CASP6: variants seen among roughly 807,000 people sequenced by gnomAD.
CASP6 encodes the protein caspase 6, also known as caspase-6.
In CASP6, 20 loss-of-function variants were observed where a neutral mutation model predicts 31.8. The ratio of observed to expected loss-of-function variants is 0.63; its 90% confidence interval spans 0.44 to 0.91. The LOEUF (loss-of-function observed/expected upper bound fraction) is 0.91, where lower values mean the gene tolerates loss of function less well. CASP6 is among the 40% of genes least tolerant of loss of function. The probability of loss-of-function intolerance (pLI) is 0.00; values close to 1 mark genes in which losing one functional copy is unlikely to be tolerated. For missense variants in CASP6, 328 were observed against 361.1 expected (o/e 0.91, Z 0.74); for synonymous variants, 130 against 127.8 (o/e 1.02, Z -0.12).
At chr4:109,672,713 G>A in the CASP6 span, among the ~76,000 whole-genome samples, 1 of 152,068 alleles carries the variant, frequency 6.6e-6, no homozygotes, top group Non-Finnish European at 1.5e-5. Flanking sequence ...CAACAGGGAG[G>A]GAATTTAGAT....
chr4:109,694,874 C>T (rs1270470174), intron 4 of CASP6, among the ~76,000 whole-genome samples, 174 bp from the exon 5 acceptor site: 2 of 152,080 alleles, frequency 1.3e-5, no homozygotes, highest in Non-Finnish European at 2.9e-5. Flanking sequence ...TCTTGGTGCC[C>T]AGGGCTGGAG....
chr4:109,697,877 G>T, intron 2 of CASP6, 109 bp from the exon 3 acceptor site: 3 of 1,237,658 alleles, frequency 2.4e-6, no homozygotes, highest in East Asian at 2.4e-5. Flanking sequence ...TCCTTGCCAG[G>T]CTGATGTTCC....
chr4:109,671,183 A>G, the CASP6 span, among the ~76,000 whole-genome samples: 1 of 152,128 alleles, frequency 6.6e-6, no homozygotes, highest in Non-Finnish European at 1.5e-5. Context: ...GAGTTTTTTT[A>G]TGTCAGACAG....
the CASP6 span, among the ~76,000 whole-genome samples, chr4:109,669,821 C>G: frequency 1.3e-5 from 2 of 152,110 alleles, no homozygotes; most frequent in Admixed American, 6.5e-5. Context: ...CCATTAAAGG[C>G]CTTCTTCCTT....
At chr4:109,709,110 G>A in the CASP6 span, among the ~76,000 whole-genome samples, 1 of 152,188 alleles carries the variant, frequency 6.6e-6, no homozygotes, top group East Asian at 1.9e-4. Flanking sequence ...TGAACCCACA[G>A]CAAGCTTTCA....
downstream of CASP6, chr4:109,687,525 C>G (rs1729876824): frequency 6.2e-7 from 1 of 1,611,222 alleles, no homozygotes; most frequent in Non-Finnish European, 8.5e-7. Context: ...GCTAAAGAAT[C>G]CCTGAAACAG....
chr4:109,706,168 T>TACATAC (rs1554022991), upstream of CASP6, among the ~76,000 whole-genome samples: 3 of 92,490 alleles, frequency 3.2e-5, no homozygotes, highest in African/African-American at 1.8e-4. Context: ...TATATATATA[T>TACATAC]ATACACACAC....
chr4:109,693,819 G>A (rs1246348370), intron 5 of CASP6, among the ~76,000 whole-genome samples: 1 of 150,566 alleles, frequency 6.6e-6, no homozygotes, highest in Non-Finnish European at 1.5e-5. Context: ...GCTAACTACA[G>A]CCTCTGCCTC....
At chr4:109,706,002 ATAT>A (rs1197581543), upstream of CASP6, among the ~76,000 whole-genome samples, 527 of 18,360 alleles carry the variant, frequency 0.029, 5 homozygotes, top group African/African-American at 0.034. Context: ...AAAAAAAAAA[ATAT>A]ATATATATAT....
intron 5 of CASP6, 37 bp from the exon 6 acceptor site, chr4:109,691,046 A>G (rs191005255): frequency 1.9e-6 from 3 of 1,582,980 alleles, no homozygotes; most frequent in Admixed American, 3.5e-5. Flanking sequence ...CTCTTTGCCT[A>G]CTGTTTCCTT....
At chr4:109,684,560 T>G (rs775970241), downstream of CASP6, 2 of 1,608,608 alleles carry the variant, frequency 1.2e-6, no homozygotes, top group African/African-American at 2.7e-5. Context: ...GTGGGTGTAC[T>G]CCTGGGATAT....
At chr4:109,667,529 C>T in the CASP6 span, among the ~76,000 whole-genome samples, 1 of 151,204 alleles carries the variant, frequency 6.6e-6, no homozygotes. Flanking sequence ...TTCCAAAGAA[C>T]TAGCTTTTAA....
In CASP6 at chr4:109,689,432, T is replaced by C; in HGVS notation, c.780A>G (p.Arg260=). The C allele has an allele frequency of 1.2e-6, 2 of 1,614,234 alleles. No individual in the cohort carries two copies. The highest frequency in any genetic ancestry group is 1.7e-6 in the Non-Finnish European group (2 of 1,180,044). Residue 260 remains arginine (R), a synonymous_variant, in exon 7 of 7, where the codon CGA becomes CGG. Coordinates refer to ENST00000265164, the MANE Select transcript of CASP6 (RefSeq NM_001226.4). ...CACTTGGGTCTTTGCAAAAGTCCACTCGGCGCTGAGAAACTTTCCTGTTCA... is the reference window on the plus strand; with the variant it reads ...CACTTGGGTCTTTGCAAAAGTCCACCCGGCGCTGAGAAACTTTCCTGTTCA... ...TLVNRKVSQR[R]VDFCKDPSAI...
At chr4:109,684,428 T>A, downstream of CASP6, 1 of 1,588,592 alleles carries the variant, frequency 6.3e-7, no homozygotes, top group East Asian at 2.2e-5. Flanking sequence ...TTAACAGTTT[T>A]TCATTCCCCC....
chr4:109,706,267 A>G (rs1730618076), upstream of CASP6, among the ~76,000 whole-genome samples: 1 of 149,206 alleles, frequency 6.7e-6, no homozygotes, highest in Admixed American at 6.8e-5. Context: ...TCCAATCCTC[A>G]TCACTGATGT....
At chr4:109,705,974 TAAAAAAAAAAAAAAAAAA>T (rs59584573), upstream of CASP6, among the ~76,000 whole-genome samples, 2,759 of 29,442 alleles carry the variant, frequency 0.094, 371 homozygotes, top group African/African-American at 0.24. Flanking sequence ...AGACACTCTT[TAAAAAAAAAAAAAAAAAA>T]AAAAAAAAAA....
chr4:109,692,002 G>A (rs1324043555), intron 5 of CASP6: 1 of 152,096 alleles, frequency 6.6e-6, no homozygotes, highest in African/African-American at 2.4e-5. Context: ...ACTTTGTTAT[G>A]GTCACCCTAT....
At chr4:109,673,376 C>A in the CASP6 span, among the ~76,000 whole-genome samples, 25 of 152,290 alleles carry the variant, frequency 1.6e-4, no homozygotes, top group Admixed American at 3.9e-4. Flanking sequence ...CACTCCTGCC[C>A]ACTCATTAGA....
At chr4:109,682,435 A>G in the CASP6 span, 1 of 625,276 alleles carries the variant, frequency 1.6e-6, no homozygotes, top group Non-Finnish European at 2.8e-6. Flanking sequence ...AATGTATATT[A>G]CACCTTTGTT....
Sources: allele counts gnomAD v4.1 joint callset (sites outside exome capture counted in the v4.1 genomes callset), GRCh38; gene constraint gnomAD v4.1.1; transcripts MANE v1.5; gene names NCBI Gene and HGNC (gene_info 2026-07-23, HGNC 2026-07-21).